Variants in ME1 observed in about 807,000 individuals in gnomAD.
ME1 encodes malic enzyme 1, also known as NADP-dependent malic enzyme.
ME1 carries 74 observed loss-of-function variants against 66.4 expected under a neutral mutation model. That is an observed-to-expected ratio of 1.11 (90% CI 0.92 to 1.35). ME1 has a LOEUF of 1.35. Ranked by LOEUF, ME1 falls within the 40% of genes most tolerant of loss-of-function variation. The pLI is 0.00. For synonymous variants in ME1, 251 were observed against 235.6 expected, an observed-to-expected ratio of 1.07 and a Z score of -0.60; for missense variants, 750 against 694.1, an observed-to-expected ratio of 1.08 and a Z score of -0.90.
intron 3 of ME1, among the ~76,000 whole-genome samples, chr6:83,368,625 T>A (rs1769142103): frequency 6.6e-6 from 1 of 152,212 alleles, no homozygotes; most frequent in African/African-American, 2.4e-5. Context: ...AAATGCCATA[T>A]AACTACATGC....
intron 6 of ME1, among the ~76,000 whole-genome samples, chr6:83,273,524 T>TA (rs537472412): frequency 4.1e-4 from 63 of 152,260 alleles, no homozygotes; most frequent in African/African-American, 1.3e-3. Context: ...ATCCTAAACT[T>TA]AAGTCTTATT....
chr6:83,302,458 A>G (rs192701680), intron 6 of ME1, among the ~76,000 whole-genome samples: 1 of 152,304 alleles, frequency 6.6e-6, no homozygotes, highest in African/African-American at 2.4e-5. Flanking sequence ...ACTTAAAATT[A>G]AAGTTATTAA....
At chr6:83,309,318 C>A (rs1172412751) in intron 6 of ME1, among the ~76,000 whole-genome samples, 1 of 152,012 alleles carries the variant, frequency 6.6e-6, no homozygotes, top group Non-Finnish European at 1.5e-5. Flanking sequence ...AAAATTGTTA[C>A]AATAATCCAG....
intron 9 of ME1, chr6:83,229,312 C>T (rs1392631538): frequency 9.7e-6 from 3 of 309,806 alleles, no homozygotes; most frequent in Non-Finnish European, 1.8e-5. Context: ...GAGTTGGCTT[C>T]AGCTTTAGCC....
At chr6:83,266,171 A>C (rs1275325146) in intron 6 of ME1, among the ~76,000 whole-genome samples, 1 of 152,238 alleles carries the variant, frequency 6.6e-6, no homozygotes, top group Non-Finnish European at 1.5e-5. Context: ...CGTTTTTAAA[A>C]AAATCAAACT....
chr6:83,227,878 C>T (rs1209433448), intron 10 of ME1, among the ~76,000 whole-genome samples: 2 of 152,188 alleles, frequency 1.3e-5, no homozygotes, highest in African/African-American at 4.8e-5. Context: ...AGACAACCAT[C>T]TGATTCATCT....
intron 3 of ME1, among the ~76,000 whole-genome samples, chr6:83,383,135 T>TATAC (rs1215232397): frequency 6.6e-6 from 1 of 151,674 alleles, no homozygotes; most frequent in Non-Finnish European, 1.5e-5. Flanking sequence ...TATACACACA[T>TATAC]ATACATACAT....
At chr6:83,311,652 T>C (rs1303113667) in intron 6 of ME1, among the ~76,000 whole-genome samples, 2 of 151,902 alleles carry the variant, frequency 1.3e-5, no homozygotes, top group Non-Finnish European at 2.9e-5. Flanking sequence ...TGAGAAGACA[T>C]CAACATTACT....
chr6:83,378,461 T>C (rs1769335391), intron 3 of ME1, among the ~76,000 whole-genome samples: 1 of 152,130 alleles, frequency 6.6e-6, no homozygotes, highest in African/African-American at 2.4e-5. Context: ...CTCTACTTGG[T>C]ATTTTTTTCT....
At chr6:83,309,078 G>A (rs1767882061) in intron 6 of ME1, among the ~76,000 whole-genome samples, 1 of 152,086 alleles carries the variant, frequency 6.6e-6, no homozygotes, top group South Asian at 2.1e-4. Context: ...ATGTGAGAAA[G>A]GTAACAGGAA....
intron 3 of ME1, among the ~76,000 whole-genome samples, chr6:83,371,294 G>C (rs974421061): frequency 2.0e-5 from 3 of 152,106 alleles, no homozygotes; most frequent in African/African-American, 7.2e-5. Flanking sequence ...CCTTTATCCA[G>C]AAGTCTTTCC....
At chr6:83,350,025 A>C (rs1768767446) in intron 4 of ME1, among the ~76,000 whole-genome samples, 1 of 152,152 alleles carries the variant, frequency 6.6e-6, no homozygotes. Context: ...TCTCTAAATA[A>C]TATTCTCCTC....
Position 83,211,816 on chromosome 6 carries a change from A to G in ME1, c.*108T>C. 1.4e-6 allele frequency: 1 copy of G among 713,256 alleles called. No individual in the cohort carries two copies. The highest frequency in any genetic ancestry group is 3.2e-5 in the East Asian group (1 of 30,882). 44.2% of individuals were successfully genotyped at this position (713,256 alleles called of 1,614,324 possible). Reference sequence around the variant, plus strand: ...TATCAATTTTTAGACTGTTAAAGTAAAATCTTAATCTAAGTGTCTTATGAA... The same window carrying G: ...TATCAATTTTTAGACTGTTAAAGTAGAATCTTAATCTAAGTGTCTTATGAA... On this transcript the variant is annotated 3_prime_UTR_variant, in exon 14 of 14. Coordinates refer to ENST00000369705, the MANE Select transcript of ME1 (RefSeq NM_002395.6).
chr6:83,308,318 T>A (rs898089500), intron 6 of ME1, among the ~76,000 whole-genome samples: 1 of 152,076 alleles, frequency 6.6e-6, no homozygotes, highest in Non-Finnish European at 1.5e-5. Context: ...TTATTCCATT[T>A]AAAAAATTTA....
At chr6:83,260,828 TACC>T (rs1766869756) in intron 6 of ME1, among the ~76,000 whole-genome samples, 2 of 152,234 alleles carry the variant, frequency 1.3e-5, no homozygotes, top group Non-Finnish European at 2.9e-5. Context: ...GGTGTATCAG[TACC>T]ACATTTTCTT....
intron 1 of ME1, among the ~76,000 whole-genome samples, chr6:83,429,785 C>G (rs1160613383): frequency 6.6e-6 from 1 of 152,004 alleles, no homozygotes; most frequent in South Asian, 2.1e-4. Context: ...ATCAGGAACA[C>G]GACAAGGAAA....
At chr6:83,310,457 C>T (rs1457530760) in intron 6 of ME1, among the ~76,000 whole-genome samples, 1 of 152,270 alleles carries the variant, frequency 6.6e-6, no homozygotes, top group East Asian at 1.9e-4. Flanking sequence ...ACCTCTTAAA[C>T]ACTAAACTTC....
intron 3 of ME1, among the ~76,000 whole-genome samples, chr6:83,393,809 C>A (rs888327773): frequency 6.6e-5 from 10 of 151,936 alleles, no homozygotes; most frequent in African/African-American, 2.4e-4. Flanking sequence ...ATTTTTTGGA[C>A]ATGCACAGAT....
intron 6 of ME1, among the ~76,000 whole-genome samples, chr6:83,300,184 G>A (rs932207296): frequency 5.3e-5 from 8 of 152,052 alleles, no homozygotes; most frequent in African/African-American, 1.9e-4. Context: ...GGGATAACTG[G>A]CTAGCCATAT....
Sources: gnomAD v4.1 joint callset for allele counts (sites outside exome capture counted in the v4.1 genomes callset) on GRCh38, gnomAD v4.1.1 for gene constraint, MANE v1.5 for transcripts, NCBI Gene and HGNC (gene_info 2026-07-23, HGNC 2026-07-21) for gene names.